ZNF761: variants seen among roughly 807,000 people sequenced by gnomAD.
ZNF761 encodes zinc finger protein 761.
A neutral mutation model predicts 59.9 loss-of-function variants in ZNF761; 43 were observed. That is an observed-to-expected ratio of 0.72 (90% CI 0.56 to 0.92). ZNF761 has a LOEUF of 0.92. Among genes scored for constraint, ZNF761 ranks in the 40% least tolerant of loss-of-function variants. ZNF761 has a pLI of 0.00. For missense variants in ZNF761, 850 were observed against 906.1 expected (o/e 0.94, Z 0.79); for synonymous variants, 294 against 304.8 (o/e 0.96, Z 0.37).
intron 1 of ZNF761, among the ~76,000 whole-genome samples, chr19:53,435,571 G>A (rs1600080895): frequency 1.3e-5 from 2 of 152,080 alleles, no homozygotes; most frequent in South Asian, 2.1e-4. Flanking sequence ...CAAAAGGGCT[G>A]GAATTACAGG....
rs1237754213 is a variant in ZNF761 at position 53,456,762 on chromosome 19, G to A, written c.*14G>A. 6.2e-7 allele frequency: 1 copy of A among 1,612,246 alleles called. No individual in the cohort carries two copies. On this transcript the variant is annotated 3_prime_UTR_variant, in exon 5 of 5. Coordinates refer to ENST00000684525, the MANE Select transcript of ZNF761 (RefSeq NM_001289951.2). ...AAACAAGTGTAATGAATGTGGTGAG[G>A]TTTTTAATCAACAAGCACACCTTGC...
chr19:53,451,625 C>G (rs1439758517), intron 4 of ZNF761, among the ~76,000 whole-genome samples: 1 of 152,024 alleles, frequency 6.6e-6, no homozygotes, highest in Non-Finnish European at 1.5e-5. Flanking sequence ...GTCTGTCACC[C>G]AGGCTGGAGT....
chr19:53,455,164 G>C lies in ZNF761; in HGVS notation c.657G>C (p.Glu219Asp), dbSNP rs769689153. The change falls in exon 5 of 5, where the codon GAG (glutamate) becomes GAC (aspartate). Residue 219 changes from glutamate to aspartate, a missense_variant. By Grantham distance (45) the Glu-to-Asp change is conservative. Transcript: ENST00000684525. The part of the protein sequence containing the change: ...HMREKSFQCN[E>D]SGKAFNYSSL... ...GAGAAAAATCTTTCCAATGTAATGA[G>C]AGTGGCAAAGCCTTTAATTACAGCT... 1 of 1,614,174 alleles carries C rather than the reference G, an allele frequency of 6.2e-7. No individual in the cohort carries two copies. Among genetic ancestry groups the C allele is most frequent in the South Asian group, 1.1e-5 (1 of 91,078 alleles).
intron 1 of ZNF761, among the ~76,000 whole-genome samples, chr19:53,440,190 A>G (rs914849136): frequency 2.0e-5 from 3 of 152,032 alleles, no homozygotes; most frequent in Non-Finnish European, 4.4e-5. Flanking sequence ...TGAACCAGGC[A>G]TGATGGTGCA....
At position 53,456,700 on chromosome 19, in the gene ZNF761, A is replaced by G; in HGVS notation, c.2193A>G (p.Ser731=). ...NECGKTFSQK[S]NLTCHRRLHT... Reference sequence around the variant, plus strand: ...GTGGCAAGACCTTTAGTCAGAAGTCAAACCTTACATGCCATCGTAGACTTC... The same window carrying G: ...GTGGCAAGACCTTTAGTCAGAAGTCGAACCTTACATGCCATCGTAGACTTC... Residue 731 remains serine (S), a synonymous_variant, in exon 5 of 5, where the codon TCA becomes TCG. Transcript: ENST00000684525. 1 of 1,614,008 alleles carries G rather than the reference A, an allele frequency of 6.2e-7. No homozygotes were observed. Among genetic ancestry groups the G allele is most frequent in the African/African-American group, 1.3e-5 (1 of 75,020 alleles).
In ZNF761 at chr19:53,456,247, T is replaced by C. The variant is rs918326623; in HGVS notation, c.1740T>C (p.Cys580=). ...ATAGTGGAGAGAACCCTTACAAATG[T>C]GAAGATAGTGACAAAGCTTACAGTT... ...RLHSGENPYK[C]EDSDKAYSFK... The change falls in exon 5 of 5, where the codon TGT becomes TGC. Residue 580 remains cysteine, a synonymous_variant. Coordinates refer to ENST00000684525, the MANE Select transcript of ZNF761 (RefSeq NM_001289951.2). 2 of 1,613,852 alleles carry C rather than the reference T, an allele frequency of 1.2e-6. No individual in the cohort carries two copies. Among genetic ancestry groups the C allele is most frequent in the Non-Finnish European group, 1.7e-6 (2 of 1,179,964 alleles).
chr19:53,438,217 T>C (rs2086062751), intron 1 of ZNF761, among the ~76,000 whole-genome samples: 1 of 151,744 alleles, frequency 6.6e-6, no homozygotes, highest in Admixed American at 6.6e-5. Context: ...TCAGGTTTGA[T>C]AACTAATGGT....
Position 53,456,906 on chromosome 19 carries a change from T to A in ZNF761, c.*158T>A. 1 of 889,380 alleles carries A rather than the reference T, an allele frequency of 1.1e-6. No homozygotes were observed. Among genetic ancestry groups the A allele is most frequent in the Non-Finnish European group, 1.8e-6 (1 of 569,164 alleles). 55.1% of individuals were successfully genotyped at this position (889,380 alleles called of 1,614,324 possible). A position where few individuals can be genotyped will look rare whatever the true frequency, so the allele number is the denominator to read the frequency against. On this transcript the variant is annotated 3_prime_UTR_variant, in exon 5 of 5. Coordinates refer to ENST00000684525, the MANE Select transcript of ZNF761 (RefSeq NM_001289951.2). ...GAATTCATACTGGAGAGAAAGCTTATAAATGTGAAGAATGTCACAAAGTTT... is the reference window on the plus strand; with the variant it reads ...GAATTCATACTGGAGAGAAAGCTTAAAAATGTGAAGAATGTCACAAAGTTT...
chr19:53,454,456 C>A (rs2086245908), intron 4 of ZNF761, among the ~76,000 whole-genome samples, 194 bp from the exon 5 acceptor site: 1 of 152,148 alleles, frequency 6.6e-6, no homozygotes, highest in Non-Finnish European at 1.5e-5. Context: ...AAATAGACTT[C>A]CGTAAAAATA....
intron 4 of ZNF761, 103 bp downstream of exon 4, chr19:53,449,741 T>A (rs1373796871): frequency 6.4e-6 from 10 of 1,571,292 alleles, no homozygotes; most frequent in Non-Finnish European, 8.6e-6. Context: ...CAGGGTAGAG[T>A]GCAATGGTGT....
chr19:53,455,958 A>G lies in ZNF761; in HGVS notation c.1451A>G (p.His484Arg). 2.5e-6 allele frequency: 4 copies of G among 1,613,868 alleles called. No homozygotes were observed. Among genetic ancestry groups the G allele is most frequent in the East Asian group, 2.2e-5 (1 of 44,832 alleles). The change falls in exon 5 of 5, where the codon CAT becomes CGT. Residue 484 changes from histidine (H) to arginine (R), a missense_variant. Coordinates refer to ENST00000684525, the MANE Select transcript of ZNF761 (RefSeq NM_001289951.2). ...CGTTTCAAATCAAACCTTGAAAGAC[A>G]TAGGAGAATTCATACTGGAGAGAAA... ...AFRFKSNLERHRRIHTGEKPY... is the reference protein window; with the variant it reads ...AFRFKSNLERRRRIHTGEKPY...
At chr19:53,439,327 A>G (rs1022160536) in intron 1 of ZNF761, among the ~76,000 whole-genome samples, 1 of 149,358 alleles carries the variant, frequency 6.7e-6, no homozygotes, top group African/African-American at 2.5e-5. Flanking sequence ...TGTTTTTGAG[A>G]TGGAGTCTTG....
In ZNF761 at chr19:53,447,277, T is replaced by A. The variant is rs1275361585; in HGVS notation, c.9T>A (p.Phe3Leu). The A allele has an allele frequency of 6.2e-7, 1 of 1,613,350 alleles. No individual in the cohort carries two copies. The highest frequency in any genetic ancestry group is 1.1e-5 in the South Asian group (1 of 91,046). The change falls in exon 3 of 5, where the codon TTT (phenylalanine) becomes TTA (leucine). Residue 3 changes from phenylalanine to leucine, a missense_variant. Coordinates refer to ENST00000684525, the MANE Select transcript of ZNF761 (RefSeq NM_001289951.2). Reference sequence around the variant, plus strand: ...GAGCAAAGGAGTCAGGGATGGCTTTTTCTCAGGTGAGATGATATTTTCAGT... The same window carrying A: ...GAGCAAAGGAGTCAGGGATGGCTTTATCTCAGGTGAGATGATATTTTCAGT... Reference protein sequence around the residue: MAFSQGLLTFRDV... With the variant: MALSQGLLTFRDV...
intron 4 of ZNF761, among the ~76,000 whole-genome samples, chr19:53,454,129 G>A (rs957837748): frequency 1.3e-5 from 2 of 152,066 alleles, no homozygotes; most frequent in South Asian, 2.1e-4. Context: ...GGGCCACCAC[G>A]CCTGGCTACA....
Position 53,456,217 on chromosome 19 carries a change from A to G in ZNF761, c.1710A>G (p.Arg570=). The change falls in exon 5 of 5, where the codon AGA becomes AGG. Residue 570 remains arginine (R), a synonymous_variant. Transcript: ENST00000684525. ...AGTTAACCCTTAAACGCCATCGTAG[A>G]CTTCATAGTGGAGAGAACCCTTACA... The part of the protein sequence containing the change: ...NQQLTLKRHR[R]LHSGENPYKC... 6.2e-7 allele frequency: 1 copy of G among 1,614,002 alleles called. No homozygotes were observed. Among genetic ancestry groups the G allele is most frequent in the Non-Finnish European group, 8.5e-7 (1 of 1,179,972 alleles).
chr19:53,432,390 A>G (rs1302043612), intron 1 of ZNF761, among the ~76,000 whole-genome samples: 1 of 152,056 alleles, frequency 6.6e-6, no homozygotes, highest in Non-Finnish European at 1.5e-5. Context: ...CCAGTCCCGG[A>G]AAGGCCGCGT....
intron 4 of ZNF761, among the ~76,000 whole-genome samples, chr19:53,451,319 T>G (rs2086219773): frequency 6.6e-6 from 1 of 152,196 alleles, no homozygotes; most frequent in Non-Finnish European, 1.5e-5. Flanking sequence ...CAAGCAATTC[T>G]CCTGCCTCAG....
intron 1 of ZNF761, among the ~76,000 whole-genome samples, chr19:53,437,438 C>T (rs186783998): frequency 1.1e-4 from 16 of 152,304 alleles, no homozygotes; most frequent in African/African-American, 3.8e-4. Flanking sequence ...TGGCTAGTCT[C>T]CTATAGAAGA....
chr19:53,449,064 G>A (rs1235703987), intron 3 of ZNF761, among the ~76,000 whole-genome samples: 1 of 152,174 alleles, frequency 6.6e-6, no homozygotes, highest in African/African-American at 2.4e-5. Context: ...GGGCGCGGTG[G>A]ATCACGCATG....
Sources: gnomAD v4.1 joint callset for allele counts (sites outside exome capture counted in the v4.1 genomes callset) on GRCh38, gnomAD v4.1.1 for gene constraint, MANE v1.5 for transcripts, NCBI Gene and HGNC (gene_info 2026-07-23, HGNC 2026-07-21) for gene names.